Variants in TTF2 observed in about 807,000 individuals in gnomAD.
TTF2 encodes RNA polymerase II termination factor.
A neutral mutation model predicts 142.4 loss-of-function variants in TTF2; 108 were observed. The ratio of observed to expected loss-of-function variants is 0.76; its 90% CI spans 0.65 to 0.89. The LOEUF (loss-of-function observed/expected upper bound fraction) is 0.89. Ranked by LOEUF, TTF2 falls within the 40% of genes least tolerant of loss-of-function variation. The probability of loss-of-function intolerance (pLI) is 0.00; values close to 1 mark genes in which losing one functional copy is unlikely to be tolerated. For synonymous variants in TTF2, 483 were observed against 506.2 expected (o/e 0.95, Z 0.61); for missense variants, 1,327 against 1,379.8 (o/e 0.96, Z 0.61).
Position 117,101,283 on chromosome 1 carries a change from C to T in TTF2, c.3345-97C>T. The T allele has an allele frequency of 7.6e-7, 1 of 1,308,090 alleles. No homozygotes were observed. Among genetic ancestry groups the T allele is most frequent in the Non-Finnish European group, 1.0e-6 (1 of 972,972 alleles). The allele number at this position is 1,308,090 out of a possible 1,614,324, so 81.0% of individuals were successfully genotyped here. A position where few individuals can be genotyped will look rare whatever the true frequency, so the allele number is the denominator to read the frequency against. ...TAAGAAGACTTAAAGGAAGAAATCT[C>T]ATTAAAAATGAAAGCATAATAAAAG... On this transcript the variant is annotated intron_variant, in intron 22 of 22. Transcript: ENST00000369466. This position sits in a 1 kb window ranked among gnomAD's most constrained non-coding sequence, Gnocchi z 5.9.
chr1:117,086,624 CAGGAATG>C lies in TTF2; in HGVS notation c.2160+103_2160+109del. On this transcript the variant is annotated intron_variant, in intron 12 of 22. Transcript: ENST00000369466. The surrounding 1 kb of genome is among the most constrained non-coding windows in gnomAD (Gnocchi z 4.2). Reference sequence around the variant, plus strand: ...ATAGCAAGAGGACCTCCCTGGAGGTCAGGAATGCTGTAAATGATCCGCATGTGGAAAG... The same window carrying C: ...ATAGCAAGAGGACCTCCCTGGAGGTCCTGTAAATGATCCGCATGTGGAAAG... 1 of 775,292 alleles carries C rather than the reference CAGGAATG, an allele frequency of 1.3e-6. No individual in the cohort carries two copies. The highest frequency in any genetic ancestry group is 2.2e-6 in the Non-Finnish European group (1 of 451,856). The allele number at this position is 775,292 out of a possible 1,614,324, so 48.0% of individuals were successfully genotyped here.
chr1:117,066,695 CTTTTT>C (rs530588185), intron 3 of TTF2, among the ~76,000 whole-genome samples: 3 of 115,044 alleles, frequency 2.6e-5, no homozygotes, highest in South Asian at 3.0e-4. Flanking sequence ...CTAATCATGT[CTTTTT>C]TTTTTTTTTT....
rs764053226 is a variant in TTF2 at position 117,062,402 on chromosome 1, T to C, written c.147T>C (p.His49=). The change falls in exon 3 of 23, where the codon CAT becomes CAC. Residue 49 remains histidine, a synonymous_variant. Transcript: ENST00000369466. ...TTTTCTCTAGCATTCCTGTTTCCCA[T>C]TGCTTATTGCATGAGGACTTTGTGG... ...FVRATDIPVS[H]CLLHEDFVVE... 3 of 1,613,686 alleles carry C rather than the reference T, an allele frequency of 1.9e-6. No individual in the cohort carries two copies. The highest frequency in any genetic ancestry group is 1.3e-5 in the African/African-American group (1 of 75,022).
intron 3 of TTF2, among the ~76,000 whole-genome samples, chr1:117,072,392 AT>A (rs1656652398): frequency 7.7e-6 from 1 of 130,036 alleles, no homozygotes; most frequent in Non-Finnish European, 1.7e-5. Flanking sequence ...ATCTGTCAAT[AT>A]TTTAGTATGT....
In TTF2 at chr1:117,067,775, C is replaced by T. The variant is rs534723328; in HGVS notation, c.218+5302C>T. 3.9e-5 allele frequency among the ~76,000 whole-genome samples: 6 copies of T among 152,270 alleles called. No homozygotes were observed. The South Asian group carries it at 1.0e-3, about 26-fold the overall frequency. ...GAGTACAGCCTTTCCCTCACATACTCTGGGTTTTCTTTTTAATAACTTAAA... is the reference window on the plus strand; with the variant it reads ...GAGTACAGCCTTTCCCTCACATACTTTGGGTTTTCTTTTTAATAACTTAAA... On this transcript the variant is annotated intron_variant, in intron 3 of 22. Coordinates refer to ENST00000369466, the MANE Select transcript of TTF2 (RefSeq NM_003594.4).
Position 117,083,983 on chromosome 1 carries a change from A to G in TTF2, c.1904-35A>G, listed in dbSNP as rs774787673. The stretch of plus-strand genomic sequence containing the variant: ...AGAAAAGTTAAAAGCCATTTGGTGA[A>G]TGTAACTAGGCACTGATTTTTTTCC... On this transcript the variant is annotated intron_variant, in intron 10 of 22. Transcript: ENST00000369466. The G allele has an allele frequency of 1.1e-5, 18 of 1,611,000 alleles. No homozygotes were observed. The Admixed American group carries it at 2.8e-4, about 25-fold the overall frequency.
intron 3 of TTF2, among the ~76,000 whole-genome samples, chr1:117,069,259 G>A (rs1174462707): frequency 6.6e-6 from 1 of 152,234 alleles, no homozygotes; most frequent in Non-Finnish European, 1.5e-5. Context: ...AGAGTTAGAT[G>A]TACTGAGATT....
In TTF2 at chr1:117,086,044, A is replaced by G. The variant is rs2101093363; in HGVS notation, c.2055-373A>G. Among the ~76,000 whole-genome samples, 1 of 152,236 alleles carries G rather than the reference A, an allele frequency of 6.6e-6. No individual in the cohort carries two copies. Among genetic ancestry groups the G allele is most frequent in the South Asian group, 2.1e-4 (1 of 4,822 alleles). ...TTATTAAATGTTAATTCCCAACTCT[A>G]TCCTACTTTCTGTTATTTCCCAACT... is the stretch of plus-strand genomic sequence containing the variant. On this transcript the variant is annotated intron_variant, in intron 11 of 22. Coordinates refer to ENST00000369466, the MANE Select transcript of TTF2 (RefSeq NM_003594.4). This position sits in a 1 kb window ranked among gnomAD's most constrained non-coding sequence, Gnocchi z 4.2.
In TTF2 at chr1:117,095,359, C is replaced by T; in HGVS notation, c.3027C>T (p.Ser1009=). Residue 1009 remains serine, a synonymous_variant, in exon 19 of 23, where the codon TCC becomes TCT. Coordinates refer to ENST00000369466, the MANE Select transcript of TTF2 (RefSeq NM_003594.4). ...ELEAIQRNSA[S]QKSVIVSQWT... is the part of the protein sequence containing the mutation. The stretch of plus-strand genomic sequence containing the variant: ...AGGCAATTCAAAGAAATTCAGCATC[C>T]CAAAAGAGGTAACTGCGTTTTCTCA... 6.2e-7 allele frequency: 1 copy of T among 1,614,026 alleles called. No individual in the cohort carries two copies. Among genetic ancestry groups the T allele is most frequent in the Non-Finnish European group, 8.5e-7 (1 of 1,179,968 alleles).
rs902804031 is a variant in TTF2, at chr1:117,085,538, G to A, written c.2055-879G>A. 6.6e-6 allele frequency among the ~76,000 whole-genome samples: 1 copy of A among 152,050 alleles called. No individual in the cohort carries two copies. The highest frequency in any genetic ancestry group is 2.4e-5 in the African/African-American group (1 of 41,388). On this transcript the variant is annotated intron_variant, in intron 11 of 22. Transcript: ENST00000369466. The surrounding 1 kb of genome is among the most constrained non-coding windows in gnomAD (Gnocchi z 4.7). ...CCTACACTCCAGTCTGGATGACCAG[G>A]GTAGGTTACTCACCTATTATTATCA... is the stretch of plus-strand genomic sequence containing the variant.
chr1:117,073,680 A>C lies in TTF2; in HGVS notation c.238A>C (p.Arg80=), dbSNP rs774230582. Residue 80 remains arginine (R), a synonymous_variant, in exon 4 of 23, where the codon AGA becomes CGA. Coordinates refer to ENST00000369466, the MANE Select transcript of TTF2 (RefSeq NM_003594.4). This position sits in a 1 kb window ranked among gnomAD's most constrained non-coding sequence, Gnocchi z 4.4. The part of the protein sequence containing the change: ...KEYRLFFRCI[R]SKAEGKRWCG... Reference sequence around the variant, plus strand: ...CATTAGATTGTTCTTCCGATGCATTAGAAGTAAGGCAGAGGGGAAACGCTG... The same window carrying C: ...CATTAGATTGTTCTTCCGATGCATTCGAAGTAAGGCAGAGGGGAAACGCTG... The C allele has an allele frequency of 7.4e-6, 12 of 1,611,328 alleles. No homozygotes were observed. The South Asian group carries it at 1.3e-4, about 18-fold the overall frequency.
chr1:117,076,576 A>G lies in TTF2; in HGVS notation c.1391-65A>G. ...ATCCCTCTCTCTTGACCTCACCTCC[A>G]CACATATGGTCCCTTCACTTAGTTT... On this transcript the variant is annotated intron_variant, in intron 6 of 22. Transcript: ENST00000369466. The surrounding 1 kb of genome is among the most constrained non-coding windows in gnomAD (Gnocchi z 4.6). 6.6e-7 allele frequency: 1 copy of G among 1,505,872 alleles called. No homozygotes were observed. The highest frequency in any genetic ancestry group is 1.4e-5 in the African/African-American group (1 of 72,240). 93.3% of individuals were successfully genotyped at this position (1,505,872 alleles called of 1,614,324 possible). A position where few individuals can be genotyped will look rare whatever the true frequency, so the allele number is the denominator to read the frequency against.
chr1:117,086,684 C>T lies in TTF2; in HGVS notation c.2160+162C>T, dbSNP rs1648048077. On this transcript the variant is annotated intron_variant, in intron 12 of 22. Coordinates refer to ENST00000369466, the MANE Select transcript of TTF2 (RefSeq NM_003594.4). This position sits in a 1 kb window ranked among gnomAD's most constrained non-coding sequence, Gnocchi z 4.2. Reference sequence around the variant, plus strand: ...ATTGTTCTTTCCTCTATCCCATCACCCTTATTCCAGACAACCACCTCAGTG... The same window carrying T: ...ATTGTTCTTTCCTCTATCCCATCACTCTTATTCCAGACAACCACCTCAGTG... 6.6e-6 allele frequency among the ~76,000 whole-genome samples: 1 copy of T among 152,154 alleles called. No homozygotes were observed. Among genetic ancestry groups the T allele is most frequent in the Non-Finnish European group, 1.5e-5 (1 of 68,036 alleles).
chr1:117,071,828 T>G (rs1656601454), intron 3 of TTF2, among the ~76,000 whole-genome samples: 1 of 152,178 alleles, frequency 6.6e-6, no homozygotes, highest in Non-Finnish European at 1.5e-5. Flanking sequence ...TCAGCTATAT[T>G]TTATAGCTGG....
rs1438633368 is a variant in TTF2 at position 117,093,723 on chromosome 1, A to G, written c.2976+822A>G. ...AAGAAGAGCATCCCATGTGGCCAGA[A>G]CACACATGCTAGTGCCTTCAGAGTG... is the stretch of plus-strand genomic sequence containing the variant. On this transcript the variant is annotated intron_variant, in intron 18 of 22. Coordinates refer to ENST00000369466, the MANE Select transcript of TTF2 (RefSeq NM_003594.4). The surrounding 1 kb of genome is among the most constrained non-coding windows in gnomAD (Gnocchi z 4.5). 2.0e-5 allele frequency among the ~76,000 whole-genome samples: 3 copies of G among 152,220 alleles called. No individual in the cohort carries two copies. The highest frequency in any genetic ancestry group is 4.4e-5 in the Non-Finnish European group (3 of 68,046).
chr1:117,091,223 A>G, intron 15 of TTF2, 105 bp from the exon 16 acceptor site: 1 of 884,938 alleles, frequency 1.1e-6, no homozygotes, highest in South Asian at 2.1e-5. Context: ...GCTTGGCATC[A>G]TTTAACAAGT....
At position 117,092,451 on chromosome 1, in the gene TTF2, CTGAT is replaced by C. The variant is rs1321927074; in HGVS notation, c.2806-278_2806-275del. Among the ~76,000 whole-genome samples the C allele has an allele frequency of 6.6e-6, 1 of 152,118 alleles. No homozygotes were observed. The highest frequency in any genetic ancestry group is 2.4e-5 in the African/African-American group (1 of 41,422). On this transcript the variant is annotated intron_variant, in intron 17 of 22. Coordinates refer to ENST00000369466, the MANE Select transcript of TTF2 (RefSeq NM_003594.4). This position sits in a 1 kb window ranked among gnomAD's most constrained non-coding sequence, Gnocchi z 4.4. ...ATTTAAGGAGCTGTAATAATGTATT[CTGAT>C]TATCAACATCTCAATTATATTCTAG...
At chr1:117,089,221 A>G (rs543378271) in intron 13 of TTF2, among the ~76,000 whole-genome samples, 4 of 149,816 alleles carry the variant, frequency 2.7e-5, no homozygotes, top group African/African-American at 7.3e-5. Context: ...ATAGGACTTT[A>G]TATATGCAAA....
intron 10 of TTF2, chr1:117,082,191 T>G (rs1219085396): frequency 2.0e-6 from 1 of 492,996 alleles, no homozygotes; most frequent in Non-Finnish European, 3.6e-6. Context: ...GCTGAGGCTC[T>G]AGAACACTTA....
Sources: allele counts gnomAD v4.1 joint callset (sites outside exome capture counted in the v4.1 genomes callset), GRCh38; gene constraint gnomAD v4.1.1; non-coding constraint Gnocchi (gnomAD v3.1); transcripts MANE v1.5; gene names NCBI Gene and HGNC (gene_info 2026-07-23, HGNC 2026-07-21).